HMOX1: variants seen among roughly 807,000 people sequenced by gnomAD.
The protein encoded by HMOX1 is heat shock protein, 32-kD.
A neutral mutation model predicts 27.8 loss-of-function variants in HMOX1; 22 were observed. The observed-to-expected ratio is 0.79, with a 90% CI of 0.57 to 1.13. The LOEUF (loss-of-function observed/expected upper bound fraction) is 1.13, where lower values mean the gene tolerates loss of function less well. Among genes scored for constraint, HMOX1 ranks in the 50% most tolerant of loss-of-function variants. The pLI, the probability that HMOX1 is intolerant of heterozygous loss-of-function variation, is 0.00. For missense variants in HMOX1, 379 were observed against 377.7 expected, an observed-to-expected ratio of 1.00 and a Z score of -0.03; for synonymous variants, 153 against 151.6, an observed-to-expected ratio of 1.01 and a Z score of -0.07.
intron 3 of HMOX1, 59 bp downstream of exon 3, chr22:35,387,235 C>T (rs1931535088): frequency 3.7e-6 from 6 of 1,602,464 alleles, no homozygotes; most frequent in Non-Finnish European, 5.1e-6. Context: ...TCCAAGGGAC[C>T]CTTCTCATTG....
In HMOX1 at chr22:35,383,246, T is replaced by C; in HGVS notation, c.144+20T>C. On this transcript the variant is annotated intron_variant, in intron 2 of 4. Transcript: ENST00000216117. ...TTCAAGGTATGTGGCTTGGTGGGACTAGCCCTGGTGGAGGGTGTGGCAGGT... is the reference window on the plus strand; with the variant it reads ...TTCAAGGTATGTGGCTTGGTGGGACCAGCCCTGGTGGAGGGTGTGGCAGGT... 2 of 1,611,856 alleles carry C rather than the reference T, an allele frequency of 1.2e-6. No individual in the cohort carries two copies. The highest frequency in any genetic ancestry group is 1.7e-6 in the Non-Finnish European group (2 of 1,178,464).
intron 1 of HMOX1, 84 bp downstream of exon 1, chr22:35,381,280 A>G: frequency 7.5e-6 from 11 of 1,465,328 alleles, no homozygotes; most frequent in Non-Finnish European, 1.0e-5. Flanking sequence ...GGACACTGCC[A>G]CACAGCGACA....
Position 35,386,725 on chromosome 22 carries a change from A to G in HMOX1, c.185A>G (p.Glu62Gly), listed in dbSNP as rs750846312. 10 of 1,613,998 alleles carry G rather than the reference A, an allele frequency of 6.2e-6. No homozygotes were observed. The African/African-American group carries it at 1.3e-4, about 22-fold the overall frequency. ...CTGTACCACATCTATGTGGCCCTGG[A>G]GGAGGAGATTGAGCGCAACAAGGAG... ...ASLYHIYVAL[E>G]EEIERNKESP... is the part of the protein sequence containing the mutation. The change falls in exon 3 of 5, where the codon GAG becomes GGG. Residue 62 changes from glutamate (E) to glycine (G), a missense_variant. Glu to Gly is a moderately conservative substitution (Grantham distance 98). Coordinates refer to ENST00000216117, the MANE Select transcript of HMOX1 (RefSeq NM_002133.3).
intron 2 of HMOX1, among the ~76,000 whole-genome samples, chr22:35,384,448 A>G (rs1216887015): frequency 1.3e-5 from 2 of 151,968 alleles, no homozygotes; most frequent in Non-Finnish European, 2.9e-5. Flanking sequence ...TTGGGCCTGT[A>G]ATGGGTCTTC....
intron 4 of HMOX1, among the ~76,000 whole-genome samples, chr22:35,392,244 AAAG>A (rs1013251799): frequency 6.6e-6 from 1 of 151,790 alleles, no homozygotes; most frequent in African/African-American, 2.4e-5. Context: ...AAAAGAAAGA[AAAG>A]AAAAGAAAAA....
chr22:35,387,251 G>A, intron 3 of HMOX1, 75 bp downstream of exon 3: 1 of 1,563,718 alleles, frequency 6.4e-7, no homozygotes, highest in Non-Finnish European at 8.8e-7. Flanking sequence ...CATTGTAGGG[G>A]AGGGTGCTAT....
chr22:35,381,821 A>AGAGT (rs1931393498), intron 1 of HMOX1, among the ~76,000 whole-genome samples: 1 of 151,762 alleles, frequency 6.6e-6, no homozygotes, highest in South Asian at 2.1e-4. Flanking sequence ...CTCAGCCTCC[A>AGAGT]GAGTAGCTGG....
At position 35,393,909 on chromosome 22, in the gene HMOX1, A is replaced by G. The variant is rs112611068; in HGVS notation, c.*311A>G. Reference sequence around the variant, plus strand: ...ATGTGGCAGCTGTCTCAAACCTCCAAAAGCCCTGAGTTTCAAGTATCCTTG... The same window carrying G: ...ATGTGGCAGCTGTCTCAAACCTCCAGAAGCCCTGAGTTTCAAGTATCCTTG... On this transcript the variant is annotated 3_prime_UTR_variant, in exon 5 of 5. Coordinates refer to ENST00000216117, the MANE Select transcript of HMOX1 (RefSeq NM_002133.3). 7.2e-5 allele frequency: 28 copies of G among 389,632 alleles called. 1 individual carries two copies. Among genetic ancestry groups the G allele is most frequent in the African/African-American group, 5.2e-4 (25 of 48,452 alleles). The allele number at this position is 389,632 out of a possible 1,614,324, so 24.1% of individuals were successfully genotyped here.
chr22:35,388,278 C>G (rs1931556834), intron 3 of HMOX1, among the ~76,000 whole-genome samples: 1 of 151,418 alleles, frequency 6.6e-6, no homozygotes, highest in Non-Finnish European at 1.5e-5. Context: ...CAGTGAGACC[C>G]CATCTCTACA....
intron 3 of HMOX1, among the ~76,000 whole-genome samples, chr22:35,389,392 C>CT (rs750825109): frequency 0.017 from 1,126 of 68,178 alleles, 19 homozygotes; most frequent in East Asian, 0.037. Context: ...TCCTTCCTTC[C>CT]TTCCTTTCTT....
chr22:35,381,105 C>T lies in HMOX1; in HGVS notation c.-69C>T. 1.3e-6 allele frequency: 2 copies of T among 1,529,126 alleles called. No homozygotes were observed. Among genetic ancestry groups the T allele is most frequent in the Non-Finnish European group, 1.8e-6 (2 of 1,141,614 alleles). 94.7% of individuals were successfully genotyped at this position (1,529,126 alleles called of 1,614,324 possible). ...CGCGGCTCCGGCAGTCAACGCCTGC[C>T]TCCTCTCGAGCGTCCTCAGCGCAGC... On this transcript the variant is annotated 5_prime_UTR_variant, in exon 1 of 5. Transcript: ENST00000216117.
chr22:35,383,312 A>G, intron 2 of HMOX1, 86 bp downstream of exon 2: 1 of 1,460,426 alleles, frequency 6.8e-7, no homozygotes, highest in South Asian at 1.2e-5. Context: ...TTAAGTGGGG[A>G]TGCTGAGGGA....
At chr22:35,389,369 TTCCTTCCTTCCTTCCTTCCTTC>T (rs1931630706) in intron 3 of HMOX1, among the ~76,000 whole-genome samples, 4 of 65,476 alleles carry the variant, frequency 6.1e-5, no homozygotes, top group African/African-American at 1.3e-4. Flanking sequence ...CCTTCCTTCC[TTCCTTCCTTCCTTCCTTCCTTC>T]CTTCCTTTCT....
rs772672081 is a variant in HMOX1, at chr22:35,386,787, C to G, written c.247C>G (p.Leu83Val). Residue 83 changes from leucine to valine, a missense_variant, in exon 3 of 5, where the codon CTG (leucine) becomes GTG (valine). Transcript: ENST00000216117. Reference protein sequence around the residue: ...VFAPVYFPEELHRKAALEQDL... With the variant: ...VFAPVYFPEEVHRKAALEQDL... ...CGCCCCTGTCTACTTCCCAGAAGAG[C>G]TGCACCGCAAGGCTGCCCTGGAGCA... The G allele has an allele frequency of 4.3e-6, 7 of 1,614,246 alleles. No homozygotes were observed. In the Admixed American group the frequency reaches 1.2e-4, roughly 27 times the overall value.
Position 35,387,062 on chromosome 22 carries a change from T to C in HMOX1, c.522T>C (p.Ser174=), listed in dbSNP as rs1029004837. 4 of 1,613,608 alleles carry C rather than the reference T, an allele frequency of 2.5e-6. No individual in the cohort carries two copies. Among genetic ancestry groups the C allele is most frequent in the Non-Finnish European group, 3.4e-6 (4 of 1,180,016 alleles). Reference sequence around the variant, plus strand: ...TCTTCACCTTCCCCAACATTGCCAGTGCCACCAAGTTCAAGCAGCTCTACC... The same window carrying C: ...TCTTCACCTTCCCCAACATTGCCAGCGCCACCAAGTTCAAGCAGCTCTACC... The part of the protein sequence containing the change: ...LAFFTFPNIA[S]ATKFKQLYRS... The change falls in exon 3 of 5, where the codon AGT becomes AGC. Residue 174 remains serine, a synonymous_variant. Transcript: ENST00000216117.
Position 35,381,151 on chromosome 22 carries a change from C to A in HMOX1, c.-23C>A, listed in dbSNP as rs1262689434. 1 of 1,541,218 alleles carries A rather than the reference C, an allele frequency of 6.5e-7. No individual in the cohort carries two copies. On this transcript the variant is annotated 5_prime_UTR_variant, in exon 1 of 5. Transcript: ENST00000216117. ...GCAGCCGCCGCCCGCGGAGCCAGCA[C>A]GAACGAGCCCAGCACCGGCCGGATG...
At chr22:35,383,839 C>T (rs1183191336) in intron 2 of HMOX1, among the ~76,000 whole-genome samples, 2 of 152,136 alleles carry the variant, frequency 1.3e-5, no homozygotes, top group East Asian at 3.8e-4. Flanking sequence ...CCACTATATG[C>T]CAGGTACTGA....
chr22:35,389,239 T>TTCTTTCTTTC lies in HMOX1; in HGVS notation c.637-624_637-623insCTTTCTTTCT, dbSNP rs879058204. ...TCTCTTTCTTTCTTTCTTTCTTTCTTTTTCTTTCTTTTCTCTCTCTCTCTC... is the reference window on the plus strand; with the variant it reads ...TCTCTTTCTTTCTTTCTTTCTTTCTTTCTTTCTTTCTTTCTTTCTTTTCTCTCTCTCTCTC... On this transcript the variant is annotated intron_variant, in intron 3 of 4. Coordinates refer to ENST00000216117, the MANE Select transcript of HMOX1 (RefSeq NM_002133.3). 1.8e-3 allele frequency among the ~76,000 whole-genome samples: 201 copies of TTCTTTCTTTC among 112,832 alleles called. 6 individuals carry two copies. The highest frequency in any genetic ancestry group is 4.5e-3 in the East Asian group (17 of 3,796). 74.0% of individuals were successfully genotyped at this position (112,832 alleles called of 152,430 possible).
Position 35,389,391 on chromosome 22 carries a change from C to CTTTCTTTCTTT in HMOX1, c.637-473_637-472insTTTCTTTCTTT, listed in dbSNP as rs1931636673. On this transcript the variant is annotated intron_variant, in intron 3 of 4. Coordinates refer to ENST00000216117, the MANE Select transcript of HMOX1 (RefSeq NM_002133.3). ...TCCTTCCTTCCTTCCTTCCTTCCTTCCTTCCTTTCTTTCTTTCTTTCTTTC... is the reference window on the plus strand; with the variant it reads ...TCCTTCCTTCCTTCCTTCCTTCCTTCTTTCTTTCTTTCTTCCTTTCTTTCTTTCTTTCTTTC... 8.0e-5 allele frequency among the ~76,000 whole-genome samples: 4 copies of CTTTCTTTCTTT among 49,834 alleles called. No individual in the cohort carries two copies. The East Asian group carries it at 2.0e-3, about 25-fold the overall frequency. 32.7% of individuals were successfully genotyped at this position (49,834 alleles called of 152,430 possible). A position where few individuals can be genotyped will look rare whatever the true frequency, so the allele number is the denominator to read the frequency against.
Sources: gnomAD v4.1 joint callset for allele counts (sites outside exome capture counted in the v4.1 genomes callset) on GRCh38, gnomAD v4.1.1 for gene constraint, MANE v1.5 for transcripts, NCBI Gene and HGNC (gene_info 2026-07-23, HGNC 2026-07-21) for gene names.